Variants in CLOCK observed in about 807,000 individuals in gnomAD.
CLOCK encodes the protein clock circadian regulator.
CLOCK carries 43 observed loss-of-function variants against 118.4 expected under a neutral mutation model. That is an observed-to-expected ratio of 0.36 (90% confidence interval 0.28 to 0.47). The LOEUF (loss-of-function observed/expected upper bound fraction) is 0.47, where lower values mean the gene tolerates loss of function less well. Ranked by LOEUF, CLOCK falls within the 20% of genes least tolerant of loss-of-function variation. The pLI, the probability that CLOCK is intolerant of heterozygous loss-of-function variation, is 1.00. For missense variants in CLOCK, 846 were observed against 999.9 expected (o/e 0.85, Z 2.08); for synonymous variants, 326 against 339.2 (o/e 0.96, Z 0.43).
chr4:55,462,998 T>C (rs955971436), intron 9 of CLOCK, among the ~76,000 whole-genome samples: 8 of 152,182 alleles, frequency 5.3e-5, no homozygotes, highest in Admixed American at 5.2e-4. Context: ...AGGTATCTAA[T>C]AGCTAATGGT....
At chr4:55,448,619 TGTGTGTGTG>T (rs1560421439) in intron 18 of CLOCK, among the ~76,000 whole-genome samples, 151 bp downstream of exon 18, 1 of 150,346 alleles carries the variant, frequency 6.7e-6, no homozygotes, top group African/African-American at 2.4e-5. Context: ...TGTGTGTGTG[TGTGTGTGTG>T]TGTGTGTGTG....
chr4:55,538,500 A>C (rs965632641), intron 1 of CLOCK, among the ~76,000 whole-genome samples: 1 of 152,208 alleles, frequency 6.6e-6, no homozygotes, highest in African/African-American at 2.4e-5. Context: ...GTTTTGGCAT[A>C]CTGGAAGGCA....
chr4:55,446,143 G>T (rs73236142), intron 18 of CLOCK, among the ~76,000 whole-genome samples: 36,088 of 146,374 alleles, frequency 0.25, 4,760 homozygotes, highest in South Asian at 0.37. Flanking sequence ...ACCCAAGCTG[G>T]AATGCAGTGG....
Position 55,448,870 on chromosome 4 carries a change from T to C in CLOCK, c.1450-2A>G. Reference sequence around the variant, plus strand: ...ACCAACAGACTGGGAATTTATGGACTAGAGCAAAATAAAAAATAACACTGA... The same window carrying C: ...ACCAACAGACTGGGAATTTATGGACCAGAGCAAAATAAAAAATAACACTGA... On this transcript the variant is annotated splice_acceptor_variant, in intron 17 of 22. Transcript: ENST00000513440. LOFTEE classifies it high-confidence loss of function. The C allele has an allele frequency of 6.2e-7, 1 of 1,608,642 alleles. No homozygotes were observed. Among genetic ancestry groups the C allele is most frequent in the Non-Finnish European group, 8.5e-7 (1 of 1,175,226 alleles).
intron 8 of CLOCK, among the ~76,000 whole-genome samples, chr4:55,464,436 G>A (rs1725592023): frequency 6.6e-6 from 1 of 152,194 alleles, no homozygotes; most frequent in Non-Finnish European, 1.5e-5. Flanking sequence ...TGGAATCAAA[G>A]ATGAATAAGA....
At chr4:55,520,189 G>A (rs1391609194) in intron 1 of CLOCK, among the ~76,000 whole-genome samples, 1 of 152,142 alleles carries the variant, frequency 6.6e-6, no homozygotes, top group Non-Finnish European at 1.5e-5. Flanking sequence ...AATTAGTTGT[G>A]CTAAATCTAA....
intron 1 of CLOCK, among the ~76,000 whole-genome samples, chr4:55,518,366 CAAAGATTTTCCCACAGGG>C (rs1298974289): frequency 6.6e-6 from 1 of 152,124 alleles, no homozygotes; most frequent in Non-Finnish European, 1.5e-5. Context: ...AGAGATCTGG[CAAAGATTTTCCCACAGGG>C]TATTAATCCC....
chr4:55,466,616 A>T (rs1169224474), intron 8 of CLOCK, among the ~76,000 whole-genome samples: 2 of 152,198 alleles, frequency 1.3e-5, no homozygotes, highest in South Asian at 2.1e-4. Flanking sequence ...ACTTCATAGG[A>T]TGTTTCATAT....
chr4:55,514,058 A>G (rs908706204), intron 1 of CLOCK, among the ~76,000 whole-genome samples: 1 of 152,100 alleles, frequency 6.6e-6, no homozygotes, highest in Non-Finnish European at 1.5e-5. Flanking sequence ...TGCAAACAAA[A>G]TGAGTTTTAT....
intron 1 of CLOCK, among the ~76,000 whole-genome samples, chr4:55,537,691 G>T (rs930143271): frequency 9.9e-5 from 15 of 152,202 alleles, no homozygotes; most frequent in Admixed American, 7.2e-4. Context: ...CTACTCAGGA[G>T]GCTGAGGTGG....
At chr4:55,449,902 T>TA (rs1436503888) in intron 16 of CLOCK, among the ~76,000 whole-genome samples, 189 bp downstream of exon 16, 1 of 152,210 alleles carries the variant, frequency 6.6e-6, no homozygotes, top group Non-Finnish European at 1.5e-5. Flanking sequence ...TTTAATAGGC[T>TA]ACTTGAAGAA....
intron 4 of CLOCK, among the ~76,000 whole-genome samples, chr4:55,481,712 A>G (rs926674857): frequency 2.6e-5 from 4 of 152,204 alleles, no homozygotes; most frequent in African/African-American, 9.6e-5. Context: ...AAGAATCCCA[A>G]TGGATGGAGC....
At chr4:55,450,026 T>C in intron 16 of CLOCK, 65 bp downstream of exon 16, 5 of 1,560,824 alleles carry the variant, frequency 3.2e-6, no homozygotes, top group East Asian at 4.5e-5. Flanking sequence ...GAAATGCTGA[T>C]ATAAGTAACT....
At position 55,435,386 on chromosome 4, in the gene CLOCK, C is replaced by G; in HGVS notation, c.*29G>C. ...CTCTTAATGGGCCATCCCCTTCCTC[C>G]CTTGATGTCAAGAGAGGAAGCACGT... On this transcript the variant is annotated 3_prime_UTR_variant, in exon 23 of 23. Transcript: ENST00000513440. 1 of 1,611,268 alleles carries G rather than the reference C, an allele frequency of 6.2e-7. No individual in the cohort carries two copies. The highest frequency in any genetic ancestry group is 1.7e-5 in the Admixed American group (1 of 59,994).
intron 7 of CLOCK, among the ~76,000 whole-genome samples, chr4:55,472,142 A>G (rs1341179927): frequency 2.6e-5 from 4 of 152,208 alleles, no homozygotes; most frequent in African/African-American, 9.6e-5. Flanking sequence ...TCGTCAAGGA[A>G]TCAATGGAAG....
chr4:55,497,157 C>T (rs554195329), intron 2 of CLOCK, among the ~76,000 whole-genome samples: 1 of 152,266 alleles, frequency 6.6e-6, no homozygotes, highest in Admixed American at 6.5e-5. Context: ...GTTGGCAGGG[C>T]TGAATTCCCT....
At chr4:55,515,983 T>C (rs1577837864) in intron 1 of CLOCK, among the ~76,000 whole-genome samples, 1 of 152,196 alleles carries the variant, frequency 6.6e-6, no homozygotes, top group East Asian at 1.9e-4. Flanking sequence ...CTTTGACCCA[T>C]GTGTTGTTTA....
intron 2 of CLOCK, among the ~76,000 whole-genome samples, chr4:55,497,523 AATATTTTT>A: frequency 6.6e-6 from 1 of 152,290 alleles, no homozygotes; most frequent in East Asian, 1.9e-4. Flanking sequence ...GACAAAATCA[AATATTTTT>A]TGAGGGGAAA....
At chr4:55,522,037 A>C (rs1729877157) in intron 1 of CLOCK, among the ~76,000 whole-genome samples, 1 of 152,194 alleles carries the variant, frequency 6.6e-6, no homozygotes, top group African/African-American at 2.4e-5. Context: ...GAAAGAATGG[A>C]CTATCCATTA....
Sources: allele counts gnomAD v4.1 joint callset (sites outside exome capture counted in the v4.1 genomes callset), GRCh38; gene constraint gnomAD v4.1.1; transcripts MANE v1.5; gene names NCBI Gene and HGNC (gene_info 2026-07-23, HGNC 2026-07-21).